CSMD3: variants seen among roughly 807,000 people sequenced by gnomAD.
The protein encoded by CSMD3 is CUB and sushi domain-containing protein 3.
A neutral mutation model predicts 435.2 loss-of-function variants in CSMD3; 177 were observed. The observed-to-expected ratio is 0.41, with a 90% CI of 0.36 to 0.46. The LOEUF (loss-of-function observed/expected upper bound fraction) is 0.46, where lower values mean the gene tolerates loss of function less well. CSMD3 is among the 20% of genes least tolerant of loss of function. The probability of loss-of-function intolerance (pLI) is 0.34; values close to 1 mark genes in which losing one functional copy is unlikely to be tolerated. For synonymous variants in CSMD3, 1,656 were observed against 1,520.5 expected (o/e 1.09, Z -2.07); for missense variants, 4,265 against 4,504.6 (o/e 0.95, Z 1.52).
At chr8:112,613,306 G>C (rs1833406738) in intron 22 of CSMD3, among the ~76,000 whole-genome samples, 1 of 151,780 alleles carries the variant, frequency 6.6e-6, no homozygotes, top group Non-Finnish European at 1.5e-5. Flanking sequence ...TGGTTTGCTT[G>C]CTTAAACTTC....
Position 112,237,307 on chromosome 8 carries a change from A to G in CSMD3, c.10510T>C (p.Ser3504Pro). 4 of 1,612,954 alleles carry G rather than the reference A, an allele frequency of 2.5e-6. No individual in the cohort carries two copies. Among genetic ancestry groups the G allele is most frequent in the Non-Finnish European group, 3.4e-6 (4 of 1,179,064 alleles). ...TGTTTCCTTCCTTTGAAATTGTAAG[A>G]GCCTTTCCATATATAATTTTGGGCA... ...VFAQNYIWKG[S>P]YNFKGRKQPM... Residue 3504 changes from serine (S) to proline (P), a missense_variant, in exon 67 of 71, where the codon TCT (serine) becomes CCT (proline). Physicochemically the swap from Ser to Pro is moderately conservative, Grantham distance 74 (BLOSUM62 -1). Around this residue, in one of 3 missense-constraint regions of CSMD3, gnomAD observed 3,255 missense variants for 3,380.2 expected, o/e 0.96. Coordinates refer to ENST00000297405, the MANE Select transcript of CSMD3 (RefSeq NM_198123.2).
intron 23 of CSMD3, among the ~76,000 whole-genome samples, chr8:112,575,718 A>G (rs2131310372): frequency 6.6e-6 from 1 of 152,248 alleles, no homozygotes; most frequent in African/African-American, 2.4e-5. Context: ...ATAACATTCA[A>G]CTTTTCATTT....
At chr8:112,579,285 C>T (rs1830167885) in intron 23 of CSMD3, among the ~76,000 whole-genome samples, 1 of 151,958 alleles carries the variant, frequency 6.6e-6, no homozygotes, top group South Asian at 2.1e-4. Flanking sequence ...CCACTTAAAT[C>T]TATGTAATAA....
intron 13 of CSMD3, among the ~76,000 whole-genome samples, chr8:112,797,189 A>T (rs965518454): frequency 6.6e-6 from 1 of 151,918 alleles, no homozygotes; most frequent in African/African-American, 2.4e-5. Context: ...TTCCTCTCTC[A>T]ATAGTACAGT....
At chr8:112,586,624 C>T (rs191029039) in intron 23 of CSMD3, among the ~76,000 whole-genome samples, 2 of 150,946 alleles carry the variant, frequency 1.3e-5, no homozygotes, top group African/African-American at 4.8e-5. Flanking sequence ...AAAGATTCTT[C>T]ACGTATTAAC....
At chr8:113,164,945 C>T (rs890523488) in intron 4 of CSMD3, among the ~76,000 whole-genome samples, 3 of 152,100 alleles carry the variant, frequency 2.0e-5, no homozygotes, top group Non-Finnish European at 4.4e-5. Context: ...TACTATTCTC[C>T]TTCCTCCATT....
intron 10 of CSMD3, among the ~76,000 whole-genome samples, chr8:112,919,725 A>C (rs1220852422): frequency 1.3e-5 from 2 of 151,890 alleles, no homozygotes; most frequent in East Asian, 1.9e-4. Context: ...GGACACAAGA[A>C]ATCAGCCTTG....
At chr8:113,326,273 T>A (rs1475118842) in intron 1 of CSMD3, among the ~76,000 whole-genome samples, 1 of 152,188 alleles carries the variant, frequency 6.6e-6, no homozygotes, top group Non-Finnish European at 1.5e-5. Context: ...TTCAGTTGAT[T>A]ACAAATCTTG....
At chr8:113,288,086 G>C (rs1297045304) in intron 2 of CSMD3, among the ~76,000 whole-genome samples, 1 of 151,718 alleles carries the variant, frequency 6.6e-6, no homozygotes, top group Non-Finnish European at 1.5e-5. Context: ...TTGATTTCTA[G>C]CACAAGTTAC....
chr8:113,404,268 TACTGTTC>T (rs961706097), intron 1 of CSMD3, among the ~76,000 whole-genome samples: 41 of 151,422 alleles, frequency 2.7e-4, no homozygotes, highest in African/African-American at 9.2e-4. Flanking sequence ...AATAATGCAT[TACTGTTC>T]ACTATGGCTT....
chr8:113,015,350 T>C (rs1181832474), intron 6 of CSMD3, among the ~76,000 whole-genome samples: 1 of 152,060 alleles, frequency 6.6e-6, no homozygotes, highest in Non-Finnish European at 1.5e-5. Context: ...TTAAATATTG[T>C]GTGTTGCTAT....
At chr8:112,661,943 T>C (rs191813803) in intron 17 of CSMD3, among the ~76,000 whole-genome samples, 1 of 152,158 alleles carries the variant, frequency 6.6e-6, no homozygotes, top group Non-Finnish European at 1.5e-5. Flanking sequence ...ATTTTGAGAC[T>C]TACCCTGCTA....
At chr8:112,790,888 AATG>A (rs1554680729) in intron 13 of CSMD3, among the ~76,000 whole-genome samples, 3 of 152,172 alleles carry the variant, frequency 2.0e-5, no homozygotes, top group African/African-American at 7.2e-5. Flanking sequence ...TTCAGTTTGA[AATG>A]ATAATTGGTA....
At chr8:113,388,504 A>C (rs1174051751) in intron 1 of CSMD3, among the ~76,000 whole-genome samples, 1 of 151,556 alleles carries the variant, frequency 6.6e-6, no homozygotes, top group Non-Finnish European at 1.5e-5. Flanking sequence ...TTTTTTAGCC[A>C]TTTGATTGAA....
chr8:112,698,256 A>G (rs186900064), intron 13 of CSMD3, among the ~76,000 whole-genome samples: 6 of 152,306 alleles, frequency 3.9e-5, no homozygotes, highest in Admixed American at 2.0e-4. Context: ...AAAGAACCCT[A>G]AGGGGTTAAA....
At chr8:112,331,693 T>A (rs892320777) in intron 45 of CSMD3, among the ~76,000 whole-genome samples, 1 of 151,980 alleles carries the variant, frequency 6.6e-6, no homozygotes, top group Non-Finnish European at 1.5e-5. Context: ...ATACAAGTCT[T>A]GAGAAAATCA....
chr8:112,587,358 C>T (rs1039757330), intron 22 of CSMD3, 123 bp from the exon 23 acceptor site: 5 of 713,748 alleles, frequency 7.0e-6, no homozygotes, highest in Admixed American at 4.1e-5. Flanking sequence ...AAATAATATA[C>T]AGAATGGCTT....
intron 6 of CSMD3, among the ~76,000 whole-genome samples, chr8:113,001,143 G>A (rs1175712091): frequency 6.6e-6 from 1 of 151,916 alleles, no homozygotes. Context: ...CACCAGGATA[G>A]TGCAACACAA....
chr8:112,599,035 A>C lies in CSMD3; in HGVS notation c.3716-11800T>G, dbSNP rs374993598. On this transcript the variant is annotated intron_variant, in intron 22 of 70. Transcript: ENST00000297405. ...TTGACAAATGGGATCTAATTAAACTAAAGAGCTTCTGCACAGCAAAAGAAA... is the reference window on the plus strand; with the variant it reads ...TTGACAAATGGGATCTAATTAAACTCAAGAGCTTCTGCACAGCAAAAGAAA... 2.9e-4 allele frequency among the ~76,000 whole-genome samples: 43 copies of C among 149,320 alleles called. No homozygotes were observed. The East Asian group carries it at 5.8e-3, about 20-fold the overall frequency.
Sources: gnomAD v4.1 joint callset for allele counts (sites outside exome capture counted in the v4.1 genomes callset) on GRCh38, gnomAD v4.1.1 for gene constraint, gnomAD v4.1.1 regional missense constraint, MANE v1.5 for transcripts, NCBI Gene and HGNC (gene_info 2026-07-23, HGNC 2026-07-21) for gene names.